The following DPY19L1 variants were observed in gnomAD, a reference collection of about 807,000 sequenced individuals.
DPY19L1 encodes protein C-mannosyl-transferase DPY19L1.
In DPY19L1, 35 loss-of-function variants were observed where a neutral mutation model predicts 96.9. That is an observed-to-expected ratio of 0.36 (90% CI 0.28 to 0.48). The LOEUF (loss-of-function observed/expected upper bound fraction) is 0.48, where lower values mean the gene tolerates loss of function less well. Ranked by LOEUF, DPY19L1 falls within the 20% of genes least tolerant of loss-of-function variation. The pLI, the probability that DPY19L1 is intolerant of heterozygous loss-of-function variation, is 0.99. For missense variants in DPY19L1, 521 were observed against 777.9 expected (o/e 0.67, Z 3.93); for synonymous variants, 205 against 252.6 (o/e 0.81, Z 1.79).
chr7:34,960,357 T>C (rs1784476746), intron 10 of DPY19L1, among the ~76,000 whole-genome samples: 1 of 152,126 alleles, frequency 6.6e-6, no homozygotes, highest in African/African-American at 2.4e-5. Context: ...AAGTATAGTT[T>C]TCTTTGTATA....
chr7:34,932,953 T>C lies in DPY19L1; in HGVS notation c.2091-1224A>G, dbSNP rs570893386. On this transcript the variant is annotated intron_variant, in intron 21 of 21. Transcript: ENST00000638088. ...ACTCTCCACCATGAGGCAAACACCGTAGCAGGTATGTACATCATTTTCCCT... is the reference window on the plus strand; with the variant it reads ...ACTCTCCACCATGAGGCAAACACCGCAGCAGGTATGTACATCATTTTCCCT... Among the ~76,000 whole-genome samples the C allele has an allele frequency of 5.3e-5, 8 of 152,282 alleles. No individual in the cohort carries two copies. The South Asian group carries it at 1.7e-3, about 32-fold the overall frequency.
intron 6 of DPY19L1, among the ~76,000 whole-genome samples, chr7:34,991,989 A>G (rs1785177901): frequency 6.6e-6 from 1 of 152,202 alleles, no homozygotes; most frequent in African/African-American, 2.4e-5. Flanking sequence ...AAAATGGTTA[A>G]ACATCCTCGT....
rs183615990 is a variant in DPY19L1 at position 34,935,127 on chromosome 7, C to T, written c.2090+2867G>A. 9.9e-5 allele frequency among the ~76,000 whole-genome samples: 15 copies of T among 152,196 alleles called. No individual in the cohort carries two copies. In the South Asian group the frequency reaches 1.5e-3, roughly 15 times the overall value. ...TTCTACCTTGTAATTTTCTCATACA[C>T]GTCAAGGCTGAACTGTTACAACACT... is the stretch of plus-strand genomic sequence containing the variant. On this transcript the variant is annotated intron_variant, in intron 21 of 21. Transcript: ENST00000638088.
At chr7:34,963,161 C>T (rs147924162) in intron 10 of DPY19L1, among the ~76,000 whole-genome samples, 1 of 141,002 alleles carries the variant, frequency 7.1e-6, no homozygotes, top group Non-Finnish European at 1.5e-5. Context: ...TGCCACTGCA[C>T]TCCAGCCTGG....
In DPY19L1 at chr7:34,929,555, G is replaced by A. The variant is rs988260130; in HGVS notation, c.*2018C>T. ...TCTTTGGAAGGAAATTACTGGGGGT[G>A]AGAAAAATATAAAATAAATGTAAAA... On this transcript the variant is annotated 3_prime_UTR_variant, in exon 22 of 22. Coordinates refer to ENST00000638088, the MANE Select transcript of DPY19L1 (RefSeq NM_001366673.1). The A allele has an allele frequency of 2.0e-5, 3 of 152,152 alleles. No individual in the cohort carries two copies. Among genetic ancestry groups the A allele is most frequent in the African/African-American group, 7.2e-5 (3 of 41,430 alleles). The allele number at this position is 152,152 out of a possible 1,614,324, so 9.4% of individuals were successfully genotyped here. A position where few individuals can be genotyped will look rare whatever the true frequency, so the allele number is the denominator to read the frequency against.
intron 6 of DPY19L1, among the ~76,000 whole-genome samples, chr7:35,005,306 C>T (rs1308146926): frequency 6.6e-6 from 1 of 151,628 alleles, no homozygotes; most frequent in Non-Finnish European, 1.5e-5. Context: ...TGTGAAAACC[C>T]TGAGTGGTTT....
At chr7:35,005,805 C>T (rs942684955) in intron 6 of DPY19L1, among the ~76,000 whole-genome samples, 2 of 122,144 alleles carry the variant, frequency 1.6e-5, no homozygotes, top group East Asian at 2.2e-4. Context: ...AGTGAGATTT[C>T]GTCTCAAAAA....
chr7:35,033,367 C>T (rs910786745), intron 1 of DPY19L1, among the ~76,000 whole-genome samples: 2 of 152,088 alleles, frequency 1.3e-5, no homozygotes, highest in Non-Finnish European at 2.9e-5. Context: ...ATTTACCATC[C>T]CCCCTTCCAG....
At chr7:35,032,910 C>T (rs1397990740) in intron 1 of DPY19L1, among the ~76,000 whole-genome samples, 2 of 152,172 alleles carry the variant, frequency 1.3e-5, no homozygotes, top group African/African-American at 2.4e-5. Flanking sequence ...CCACAGCCAC[C>T]GCCTTCATCT....
At chr7:35,019,436 T>C (rs1211533249) in intron 1 of DPY19L1, among the ~76,000 whole-genome samples, 1 of 150,896 alleles carries the variant, frequency 6.6e-6, no homozygotes, top group East Asian at 2.0e-4. Flanking sequence ...CTGGGCAACA[T>C]ACTGAGACTC....
chr7:34,967,006 T>A, intron 9 of DPY19L1, 35 bp from the exon 10 acceptor site: 1 of 1,422,208 alleles, frequency 7.0e-7, no homozygotes, highest in South Asian at 1.3e-5. Context: ...GTAAAAAAGA[T>A]AAAATGAATA....
chr7:35,019,707 T>C (rs1391996581), intron 1 of DPY19L1, among the ~76,000 whole-genome samples: 1 of 152,198 alleles, frequency 6.6e-6, no homozygotes, highest in Non-Finnish European at 1.5e-5. Context: ...TAAAAATCCA[T>C]TTTGCCTTGG....
intron 21 of DPY19L1, among the ~76,000 whole-genome samples, chr7:34,936,265 C>T (rs1336079109): frequency 6.6e-6 from 1 of 151,646 alleles, no homozygotes; most frequent in East Asian, 1.9e-4. Context: ...GCTCTGCCTA[C>T]CCAAACATGA....
intron 6 of DPY19L1, among the ~76,000 whole-genome samples, chr7:35,006,567 T>G (rs568757245): frequency 1.5e-4 from 23 of 152,266 alleles, no homozygotes; most frequent in African/African-American, 5.3e-4. Context: ...CTAAGAAATA[T>G]CAGGGTATCT....
intron 3 of DPY19L1, among the ~76,000 whole-genome samples, chr7:35,017,438 T>G (rs986868880): frequency 7.1e-6 from 1 of 141,234 alleles, no homozygotes; most frequent in Non-Finnish European, 1.5e-5. Context: ...GAGCTTGCAG[T>G]GAGCCGAGAT....
chr7:34,946,027 T>C (rs1584206766), intron 15 of DPY19L1, among the ~76,000 whole-genome samples: 1 of 152,338 alleles, frequency 6.6e-6, no homozygotes, highest in Admixed American at 6.5e-5. Context: ...CCAGATCTTC[T>C]GGCTTCAAAT....
upstream of DPY19L1, chr7:35,037,888 C>G: frequency 8.1e-7 from 1 of 1,239,014 alleles, no homozygotes; most frequent in Non-Finnish European, 1.0e-6. Flanking sequence ...GAGGCGGCCG[C>G]CCTTCCATTG....
At chr7:34,933,868 CTTT>C (rs201921016) in intron 21 of DPY19L1, among the ~76,000 whole-genome samples, 1,842 of 152,342 alleles carry the variant, frequency 0.012, 10 homozygotes, top group Middle Eastern at 0.02. Flanking sequence ...AGACTGGCTT[CTTT>C]GTTCCTCAGC....
intron 20 of DPY19L1, among the ~76,000 whole-genome samples, chr7:34,938,423 A>T (rs1170664333): frequency 2.6e-5 from 4 of 152,236 alleles, no homozygotes; most frequent in African/African-American, 7.2e-5. Context: ...TGTAAGAGTA[A>T]GGTACCCTGT....
Sources: allele counts gnomAD v4.1 joint callset (sites outside exome capture counted in the v4.1 genomes callset), GRCh38; gene constraint gnomAD v4.1.1; transcripts MANE v1.5; gene names NCBI Gene and HGNC (gene_info 2026-07-23, HGNC 2026-07-21).